Variants in PCDH9 observed in about 807,000 individuals in gnomAD.
PCDH9 encodes protocadherin 9.
In PCDH9, 24 loss-of-function variants were observed where a neutral mutation model predicts 70.6. That is an observed-to-expected ratio of 0.34 (90% CI 0.25 to 0.48). The LOEUF is 0.48. PCDH9 is among the 20% of genes least tolerant of loss of function. The pLI, the probability that PCDH9 is intolerant of heterozygous loss-of-function variation, is 0.99. For synonymous variants in PCDH9, 562 were observed against 558.5 expected, an observed-to-expected ratio of 1.01 and a Z score of -0.09; for missense variants, 1,281 against 1,503.6, an observed-to-expected ratio of 0.85 and a Z score of 2.45.
intron 4 of PCDH9, among the ~76,000 whole-genome samples, chr13:66,626,816 A>C (rs903127283): frequency 2.6e-5 from 4 of 152,210 alleles, no homozygotes; most frequent in African/African-American, 9.7e-5. Context: ...ATTGCATGTA[A>C]AGACTATCAT....
intron 4 of PCDH9, among the ~76,000 whole-genome samples, chr13:66,542,024 C>T (rs757793322): frequency 3.9e-5 from 6 of 151,906 alleles, no homozygotes; most frequent in South Asian, 2.1e-4. Context: ...AAAAGGCTTG[C>T]GCATATAGAT....
At chr13:66,750,143 C>A (rs1241891542) in intron 3 of PCDH9, among the ~76,000 whole-genome samples, 1 of 151,960 alleles carries the variant, frequency 6.6e-6, no homozygotes, top group Admixed American at 6.6e-5. Flanking sequence ...TCTTATTTCT[C>A]TTTTAAAAAT....
chr13:66,431,309 T>C (rs2138375961), intron 4 of PCDH9, among the ~76,000 whole-genome samples: 1 of 152,220 alleles, frequency 6.6e-6, no homozygotes, highest in African/African-American at 2.4e-5. Context: ...CTCACTTAAT[T>C]GGTACATCAA....
At chr13:67,137,673 T>C (rs2087266885) in intron 2 of PCDH9, among the ~76,000 whole-genome samples, 1 of 152,130 alleles carries the variant, frequency 6.6e-6, no homozygotes, top group Non-Finnish European at 1.5e-5. Context: ...AGTGCTATTG[T>C]TACAGAGTCT....
At chr13:66,828,611 A>G (rs1396371560) in intron 3 of PCDH9, among the ~76,000 whole-genome samples, 5 of 152,174 alleles carry the variant, frequency 3.3e-5, no homozygotes, top group Non-Finnish European at 7.4e-5. Context: ...TTAGAACAGC[A>G]GAACAAAGCT....
intron 2 of PCDH9, among the ~76,000 whole-genome samples, chr13:66,979,018 C>T (rs1242491848): frequency 6.6e-6 from 1 of 151,924 alleles, no homozygotes; most frequent in African/African-American, 2.4e-5. Context: ...AGGAACAACA[C>T]AAAATTATCT....
chr13:67,191,991 T>A (rs1233078440), intron 2 of PCDH9, among the ~76,000 whole-genome samples: 1 of 104,826 alleles, frequency 9.5e-6, no homozygotes. Context: ...AATTCCACAA[T>A]GATACCTATT....
chr13:66,981,946 A>G (rs942673387), intron 2 of PCDH9, among the ~76,000 whole-genome samples: 1 of 152,192 alleles, frequency 6.6e-6, no homozygotes, highest in Non-Finnish European at 1.5e-5. Context: ...TATTGTTTGG[A>G]TATTGGTCCC....
At chr13:66,331,420 G>A (rs945054652) in intron 4 of PCDH9, among the ~76,000 whole-genome samples, 8 of 152,038 alleles carry the variant, frequency 5.3e-5, no homozygotes, top group Non-Finnish European at 1.2e-4. Context: ...GAAGTAAATG[G>A]TTACAATACA....
chr13:66,506,401 A>G (rs970045637), intron 4 of PCDH9, among the ~76,000 whole-genome samples: 7 of 152,168 alleles, frequency 4.6e-5, no homozygotes, highest in Admixed American at 2.0e-4. Flanking sequence ...CTTACCGTGG[A>G]AGACGGACAG....
In PCDH9 at chr13:67,148,614, C is replaced by T. The variant is rs190448160; in HGVS notation, c.3036+76791G>A. 3.0e-3 allele frequency among the ~76,000 whole-genome samples: 462 copies of T among 152,138 alleles called. 4 individuals are homozygous for T. Among genetic ancestry groups the T allele is most frequent in the African/African-American group, 0.011 (446 of 41,528 alleles). On this transcript the variant is annotated intron_variant, in intron 2 of 4. Transcript: ENST00000377865. ...ACTTTTCTGCATCAATCAACATATT[C>T]ATTTAAATTTAAAACTTAGCATTTT...
chr13:66,846,884 T>TACACAC (rs34392674), intron 3 of PCDH9, among the ~76,000 whole-genome samples: 26,176 of 149,424 alleles, frequency 0.18, 2,295 homozygotes, highest in Middle Eastern at 0.21. Context: ...TTTCTCATAA[T>TACACAC]ACACACACAC....
intron 2 of PCDH9, among the ~76,000 whole-genome samples, chr13:66,999,579 C>T (rs2084196488): frequency 6.6e-6 from 1 of 151,686 alleles, no homozygotes; most frequent in Admixed American, 6.6e-5. Flanking sequence ...TCACAACCTA[C>T]TCATCTGACA....
At chr13:66,592,049 G>T (rs902840200) in intron 4 of PCDH9, among the ~76,000 whole-genome samples, 16 of 151,576 alleles carry the variant, frequency 1.1e-4, no homozygotes, top group African/African-American at 3.6e-4. Flanking sequence ...CTTTCAGGGG[G>T]TATAAATGTG....
chr13:66,362,035 C>T (rs1225919490), intron 4 of PCDH9, among the ~76,000 whole-genome samples: 1 of 151,986 alleles, frequency 6.6e-6, no homozygotes, highest in African/African-American at 2.4e-5. Context: ...AATCCCTGGC[C>T]AAGGTTTTGG....
At chr13:67,138,956 T>C (rs2138351046) in intron 2 of PCDH9, among the ~76,000 whole-genome samples, 1 of 152,278 alleles carries the variant, frequency 6.6e-6, no homozygotes, top group East Asian at 1.9e-4. Flanking sequence ...ATATCAACAG[T>C]ATGTATGTCT....
chr13:66,946,265 T>C (rs2083086258), intron 2 of PCDH9, among the ~76,000 whole-genome samples: 1 of 152,134 alleles, frequency 6.6e-6, no homozygotes, highest in African/African-American at 2.4e-5. Flanking sequence ...AGAACAAATA[T>C]ATACTCATTA....
At chr13:66,519,259 A>G (rs188754279) in intron 4 of PCDH9, among the ~76,000 whole-genome samples, 1 of 152,250 alleles carries the variant, frequency 6.6e-6, no homozygotes, top group African/African-American at 2.4e-5. Context: ...TTTAAAAAAA[A>G]CCAGATACCT....
chr13:66,369,724 C>T (rs1029063217), intron 4 of PCDH9, among the ~76,000 whole-genome samples: 1 of 152,066 alleles, frequency 6.6e-6, no homozygotes, highest in African/African-American at 2.4e-5. Flanking sequence ...AACAGTGCTT[C>T]TTTCTGAGTT....
Sources: allele counts gnomAD v4.1 joint callset (sites outside exome capture counted in the v4.1 genomes callset), GRCh38; gene constraint gnomAD v4.1.1; transcripts MANE v1.5; gene names NCBI Gene and HGNC (gene_info 2026-07-23, HGNC 2026-07-21).